Variants in RIMOC1 observed in about 807,000 individuals in gnomAD.
RIMOC1 encodes the protein RAB7A-interacting MON1-CCZ1 complex subunit 1.
chr5:41,907,749 T>A, the RIMOC1 span: 1 of 1,603,724 alleles, frequency 6.2e-7, no homozygotes, highest in East Asian at 2.2e-5. Flanking sequence ...ACTTTTTAAT[T>A]CGGGCCTCTG....
At chr5:41,914,413 C>A in the RIMOC1 span, among the ~76,000 whole-genome samples, 1 of 151,994 alleles carries the variant, frequency 6.6e-6, no homozygotes, top group South Asian at 2.1e-4. Context: ...ACCAAGATCT[C>A]ACCACTGCAT....
the RIMOC1 span, chr5:41,912,335 GATA>G: frequency 5.2e-6 from 3 of 573,144 alleles, no homozygotes; most frequent in African/African-American, 5.7e-5. Context: ...AAAATTCAAA[GATA>G]AAATCTTTTG....
chr5:41,907,842 G>C, the RIMOC1 span: 1 of 1,587,470 alleles, frequency 6.3e-7, no homozygotes, highest in African/African-American at 1.3e-5. Flanking sequence ...TTTACACACA[G>C]GTACTGAAAG....
the RIMOC1 span, chr5:41,909,805 A>G: frequency 6.3e-7 from 1 of 1,595,484 alleles, no homozygotes; most frequent in Non-Finnish European, 8.5e-7. Context: ...ATTTTCCTGA[A>G]GACTCTTCTT....
chr5:41,913,746 A>T, the RIMOC1 span, among the ~76,000 whole-genome samples: 1 of 152,212 alleles, frequency 6.6e-6, no homozygotes, highest in East Asian at 1.9e-4. Context: ...TAGAAAAAAA[A>T]TAGTGATTTA....
the RIMOC1 span, among the ~76,000 whole-genome samples, chr5:41,915,232 A>G: frequency 6.6e-6 from 1 of 152,196 alleles, no homozygotes; most frequent in East Asian, 1.9e-4. Flanking sequence ...CATTGTCAGA[A>G]TAAACCTGGA....
chr5:41,916,764 A>G, the RIMOC1 span, among the ~76,000 whole-genome samples: 1 of 152,140 alleles, frequency 6.6e-6, no homozygotes, highest in Non-Finnish European at 1.5e-5. Flanking sequence ...AAACACCTAA[A>G]TGGTTCTCTA....
At chr5:41,917,254 G>T in the RIMOC1 span, 2 of 1,611,950 alleles carry the variant, frequency 1.2e-6, no homozygotes, top group Non-Finnish European at 1.7e-6. Context: ...GGAATACAAC[G>T]AATGCAAAAC....
the RIMOC1 span, among the ~76,000 whole-genome samples, chr5:41,905,333 GTGTTT>G: frequency 1.2e-4 from 18 of 152,192 alleles, no homozygotes; most frequent in African/African-American, 3.9e-4. Flanking sequence ...TTTATCAGGA[GTGTTT>G]TGTTTTGTTT....
chr5:41,909,047 T>C, the RIMOC1 span, among the ~76,000 whole-genome samples: 2 of 152,172 alleles, frequency 1.3e-5, no homozygotes, highest in African/African-American at 4.8e-5. Context: ...TTTAGTCCAA[T>C]TTATCATTTA....
the RIMOC1 span, among the ~76,000 whole-genome samples, chr5:41,915,208 G>A: frequency 0.053 from 8,056 of 152,178 alleles, 734 homozygotes; most frequent in African/African-American, 0.18. Flanking sequence ...CAGATAAAAG[G>A]GTTATAAAAA....
the RIMOC1 span, chr5:41,918,622 C>A: frequency 1.0e-6 from 1 of 985,224 alleles, no homozygotes; most frequent in African/African-American, 1.7e-5. Flanking sequence ...AAAGTAGAAT[C>A]ACTACAAGTG....
the RIMOC1 span, chr5:41,919,285 A>T: frequency 6.6e-6 from 1 of 152,148 alleles, no homozygotes; most frequent in South Asian, 2.1e-4. Context: ...GATCAGGGCA[A>T]CACAGAATGA....
the RIMOC1 span, among the ~76,000 whole-genome samples, chr5:41,908,741 C>T: frequency 1.3e-5 from 2 of 151,954 alleles, no homozygotes; most frequent in Middle Eastern, 3.2e-3. Flanking sequence ...ATTTTTTTCA[C>T]GAGAGTGTTC....
chr5:41,914,762 C>T, the RIMOC1 span, among the ~76,000 whole-genome samples: 2 of 151,898 alleles, frequency 1.3e-5, no homozygotes, highest in Admixed American at 6.6e-5. Flanking sequence ...AGAGTGAGAC[C>T]CTGTCTGAGA....
the RIMOC1 span, chr5:41,909,798 T>G: frequency 1.3e-6 from 2 of 1,593,578 alleles, no homozygotes; most frequent in Non-Finnish European, 1.7e-6. Context: ...GATGAAGATT[T>G]TCCTGAAGAC....
At chr5:41,918,312 G>GT in the RIMOC1 span, 1 of 985,722 alleles carries the variant, frequency 1.0e-6, no homozygotes, top group South Asian at 4.7e-5. Flanking sequence ...CCTCTTTTCA[G>GT]TTTTTTCACT....
At chr5:41,911,004 A>G in the RIMOC1 span, 1 of 1,588,174 alleles carries the variant, frequency 6.3e-7, no homozygotes, top group Non-Finnish European at 8.5e-7. Context: ...TTTTATAGAC[A>G]TCCAGTTTCC....
the RIMOC1 span, chr5:41,917,286 A>T: frequency 6.2e-7 from 1 of 1,609,558 alleles, no homozygotes; most frequent in Admixed American, 1.7e-5. Context: ...TTCTTTCATC[A>T]TCGCTGTAAC....
Sources: gnomAD v4.1 joint callset for allele counts (sites outside exome capture counted in the v4.1 genomes callset) on GRCh38, gnomAD v4.1.1 for gene constraint, MANE v1.5 for transcripts, NCBI Gene and HGNC (gene_info 2026-07-23, HGNC 2026-07-21) for gene names.